The following LRIF1 variants were observed in gnomAD, a reference collection of about 807,000 sequenced individuals.
LRIF1 encodes ligand-dependent nuclear receptor-interacting factor 1.
LRIF1 carries 32 observed loss-of-function variants against 52.7 expected under a neutral mutation model. The observed-to-expected ratio is 0.61, with a 90% CI of 0.46 to 0.82. LRIF1 has a LOEUF of 0.82. Among genes scored for constraint, LRIF1 ranks in the 40% least tolerant of loss-of-function variants. The pLI is 0.00. For missense variants in LRIF1, 887 were observed against 892.0 expected, an observed-to-expected ratio of 0.99 and a Z score of 0.07; for synonymous variants, 323 against 317.4, an observed-to-expected ratio of 1.02 and a Z score of -0.19.
downstream of LRIF1, among the ~76,000 whole-genome samples, chr1:110,946,872 G>C (rs184203065): frequency 7.9e-5 from 12 of 152,098 alleles, no homozygotes; most frequent in Admixed American, 7.9e-4. Context: ...GGCCAGGCTT[G>C]TCTCAAACTC....
chr1:110,911,129 G>A, the LRIF1 span, among the ~76,000 whole-genome samples: 1 of 151,344 alleles, frequency 6.6e-6, no homozygotes, highest in Non-Finnish European at 1.5e-5. Context: ...AGAATAAGAA[G>A]ATACAAATAA....
chr1:110,914,605 T>A, the LRIF1 span, among the ~76,000 whole-genome samples: 3 of 151,894 alleles, frequency 2.0e-5, no homozygotes, highest in Non-Finnish European at 4.4e-5. Flanking sequence ...ATCGTAAAAT[T>A]AGCTGGGTGT....
chr1:110,885,646 T>TGA, the LRIF1 span, among the ~76,000 whole-genome samples: 2 of 152,174 alleles, frequency 1.3e-5, no homozygotes, highest in East Asian at 3.9e-4. Context: ...GCAGATCACC[T>TGA]GAGGTCAGGA....
the LRIF1 span, among the ~76,000 whole-genome samples, chr1:110,919,075 G>A: frequency 6.6e-6 from 1 of 152,156 alleles, no homozygotes; most frequent in East Asian, 1.9e-4. Context: ...GTACCTACAA[G>A]TACCTGACAA....
At chr1:110,897,520 G>A in the LRIF1 span, 2 of 263,676 alleles carry the variant, frequency 7.6e-6, no homozygotes, top group East Asian at 1.5e-4. Context: ...AAGACAGTAG[G>A]ACGTCGGTTG....
chr1:110,949,426 T>C (rs1431093852), intron 3 of LRIF1, among the ~76,000 whole-genome samples: 1 of 149,824 alleles, frequency 6.7e-6, no homozygotes, highest in Non-Finnish European at 1.5e-5. Flanking sequence ...CCTGGTTCTT[T>C]TTTTTTTTTT....
chr1:110,904,569 C>A, the LRIF1 span, among the ~76,000 whole-genome samples: 1 of 152,164 alleles, frequency 6.6e-6, no homozygotes. Context: ...TCCATAAGAA[C>A]CACAGTATTA....
chr1:110,900,561 T>TTAGTAGAGATGTGTTTAGTAGAGA, the LRIF1 span, among the ~76,000 whole-genome samples: 1 of 152,102 alleles, frequency 6.6e-6, no homozygotes, highest in Admixed American at 6.5e-5. Context: ...GAGATGGGGT[T>TTAGTAGAGATGTGTTTAGTAGAGA]TCACCATGTT....
Position 110,947,251 on chromosome 1 carries a change from A to G in LRIF1, c.*708T>C, listed in dbSNP as rs1276251116. ...ACTGTTCAGGATCTACTTTTTACAC[A>G]ATCTCAGTAACGTATGTACATAGTC... is the stretch of plus-strand genomic sequence containing the variant. On this transcript the variant is annotated 3_prime_UTR_variant, in exon 4 of 4. Coordinates refer to ENST00000369763, the MANE Select transcript of LRIF1 (RefSeq NM_018372.4). The G allele has an allele frequency of 6.6e-6, 1 of 151,596 alleles. No homozygotes were observed. Among genetic ancestry groups the G allele is most frequent in the East Asian group, 1.9e-4 (1 of 5,174 alleles). 9.4% of individuals were successfully genotyped at this position (151,596 alleles called of 1,614,324 possible). A position where few individuals can be genotyped will look rare whatever the true frequency, so the allele number is the denominator to read the frequency against.
chr1:110,940,597 T>C, the LRIF1 span: 2 of 152,128 alleles, frequency 1.3e-5, no homozygotes, highest in East Asian at 3.8e-4. Flanking sequence ...TATCAACAAA[T>C]GAATGGATAA....
the LRIF1 span, among the ~76,000 whole-genome samples, chr1:110,928,353 GCTTTT>G: frequency 6.6e-6 from 1 of 152,178 alleles, no homozygotes; most frequent in African/African-American, 2.4e-5. Context: ...AAGAGGTTTT[GCTTTT>G]CTAACATATT....
At chr1:110,963,463 C>G in intron 1 of LRIF1, 158 bp downstream of exon 1, 2 of 550,938 alleles carry the variant, frequency 3.6e-6, no homozygotes, top group African/African-American at 1.9e-5. Context: ...GCTCTATGGG[C>G]TTTAAGCGCC....
the LRIF1 span, chr1:110,938,510 T>C: frequency 1.3e-5 from 2 of 152,264 alleles, no homozygotes; most frequent in African/African-American, 4.8e-5. Context: ...ATTCAACATC[T>C]TTCATGACAA....
chr1:110,881,617 A>T, the LRIF1 span, among the ~76,000 whole-genome samples: 1 of 152,304 alleles, frequency 6.6e-6, no homozygotes, highest in African/African-American at 2.4e-5. Flanking sequence ...CTCTTGGGTA[A>T]ATACCTAGGA....
rs1658608322 is a variant in LRIF1, at chr1:110,954,368, C to T, written c.69-1553G>A. Among the ~76,000 whole-genome samples the T allele has an allele frequency of 2.0e-5, 3 of 152,088 alleles. No individual in the cohort carries two copies. In the South Asian group the frequency reaches 6.2e-4, roughly 32 times the overall value. ...CAATCTTGGCTCACTGCAATCTCCA[C>T]CTCCTGGGCTCAAGCTATCCTTCTA... On this transcript the variant is annotated intron_variant, in intron 1 of 3. Transcript: ENST00000369763.
At chr1:110,917,216 A>G in the LRIF1 span, among the ~76,000 whole-genome samples, 2 of 152,198 alleles carry the variant, frequency 1.3e-5, no homozygotes, top group Non-Finnish European at 2.9e-5. Context: ...GTGAGAACTG[A>G]CAGGGGCTCG....
At chr1:110,919,765 A>G in the LRIF1 span, among the ~76,000 whole-genome samples, 25 of 152,332 alleles carry the variant, frequency 1.6e-4, no homozygotes, top group East Asian at 3.3e-3. Flanking sequence ...ATTAGAAGGC[A>G]AGCCACAGAC....
At chr1:110,878,021 G>A in the LRIF1 span, among the ~76,000 whole-genome samples, 33,524 of 152,058 alleles carry the variant, frequency 0.22, 4,060 homozygotes, top group East Asian at 0.32. Flanking sequence ...GGTGGAAAGA[G>A]CATGGGCTTT....
the LRIF1 span, among the ~76,000 whole-genome samples, chr1:110,902,496 A>AG: frequency 1.1e-5 from 1 of 91,318 alleles, no homozygotes; most frequent in Non-Finnish European, 2.4e-5. Context: ...ATCAATCACT[A>AG]AAAAAAAAAA....
Sources: gnomAD v4.1 joint callset for allele counts (sites outside exome capture counted in the v4.1 genomes callset) on GRCh38, gnomAD v4.1.1 for gene constraint, MANE v1.5 for transcripts, NCBI Gene and HGNC (gene_info 2026-07-23, HGNC 2026-07-21) for gene names.